The following PPARG variants were observed in gnomAD, a reference collection of about 807,000 sequenced individuals.
PPARG encodes peroxisome proliferator activated receptor gamma.
A neutral mutation model predicts 39.2 loss-of-function variants in PPARG; 17 were observed. That is an observed-to-expected ratio of 0.43 (90% CI 0.30 to 0.65). The LOEUF (loss-of-function observed/expected upper bound fraction) is 0.65. Among genes scored for constraint, PPARG ranks in the 30% least tolerant of loss-of-function variants. The pLI is 0.13. For missense variants in PPARG, 406 were observed against 585.9 expected (o/e 0.69, Z 3.17); for synonymous variants, 223 against 215.7 (o/e 1.03, Z -0.30).
At chr3:12,401,396 A>G (rs2125240623) in intron 5 of PPARG, among the ~76,000 whole-genome samples, 1 of 152,218 alleles carries the variant, frequency 6.6e-6, no homozygotes, top group East Asian at 1.9e-4. Context: ...AGCCTGGTCT[A>G]GAACCCACAG....
At chr3:12,387,375 G>A (rs2049915688) in intron 4 of PPARG, among the ~76,000 whole-genome samples, 1 of 152,116 alleles carries the variant, frequency 6.6e-6, no homozygotes, top group Admixed American at 6.5e-5. Context: ...ATCCTCTCCA[G>A]CGTCTGTTTT....
intron 7 of PPARG, among the ~76,000 whole-genome samples, chr3:12,432,057 G>T (rs2051679788): frequency 6.6e-6 from 1 of 152,140 alleles, no homozygotes; most frequent in Non-Finnish European, 1.5e-5. Flanking sequence ...GTAGTAGAAA[G>T]CCTGAATAGA....
chr3:12,385,125 G>T (rs1411656175), intron 4 of PPARG, among the ~76,000 whole-genome samples: 2 of 152,118 alleles, frequency 1.3e-5, no homozygotes, highest in African/African-American at 2.4e-5. Flanking sequence ...CCAGGAAAAT[G>T]GAATTAGCAA....
chr3:12,415,087 A>C (rs1191058219), intron 6 of PPARG, among the ~76,000 whole-genome samples: 2 of 152,192 alleles, frequency 1.3e-5, no homozygotes, highest in East Asian at 3.8e-4. Flanking sequence ...TGCCACGGCC[A>C]CTCATGCACC....
At chr3:12,288,302 G>A (rs1408394531), upstream of PPARG, among the ~76,000 whole-genome samples, 2 of 151,888 alleles carry the variant, frequency 1.3e-5, no homozygotes, top group South Asian at 2.1e-4. Flanking sequence ...GAGGGCACCC[G>A]GGCTGAGGGT....
intron 7 of PPARG, among the ~76,000 whole-genome samples, chr3:12,427,435 C>A (rs1575155731): frequency 1.3e-5 from 2 of 152,146 alleles, no homozygotes; most frequent in East Asian, 3.8e-4. Flanking sequence ...AACTCAAAAA[C>A]CTTCAATTTC....
intron 5 of PPARG, among the ~76,000 whole-genome samples, chr3:12,398,804 G>A (rs1322713511): frequency 1.3e-5 from 2 of 152,238 alleles, no homozygotes; most frequent in Non-Finnish European, 2.9e-5. Context: ...TTCTGGCCGA[G>A]AGAAAAGCAT....
chr3:12,352,110 T>A (rs2048507065), intron 2 of PPARG, among the ~76,000 whole-genome samples: 1 of 152,222 alleles, frequency 6.6e-6, no homozygotes, highest in South Asian at 2.1e-4. Flanking sequence ...CTTGAAGTAC[T>A]CTCAGCTCTT....
intron 7 of PPARG, among the ~76,000 whole-genome samples, chr3:12,417,877 C>CTTTTTTTTTTTTTTTTTTTTTTTTTT (rs1248011965): frequency 1.5e-5 from 1 of 64,652 alleles, no homozygotes; most frequent in Non-Finnish European, 3.8e-5. Context: ...TGACTTTTTT[C>CTTTTTTTTTTTTTTTTTTTTTTTTTT]TTTTTTTTTT....
chr3:12,402,740 C>T (rs1023599062), intron 5 of PPARG, among the ~76,000 whole-genome samples: 3 of 152,118 alleles, frequency 2.0e-5, no homozygotes, highest in Non-Finnish European at 4.4e-5. Flanking sequence ...CCGAGTGACT[C>T]TGATAGGCTC....
At chr3:12,317,950 A>G (rs1364975771) in intron 2 of PPARG, among the ~76,000 whole-genome samples, 1 of 152,126 alleles carries the variant, frequency 6.6e-6, no homozygotes, top group African/African-American at 2.4e-5. Flanking sequence ...TTGTTTAGAG[A>G]TTAGAACGAT....
At chr3:12,349,470 C>T (rs1263968092) in intron 2 of PPARG, among the ~76,000 whole-genome samples, 1 of 152,172 alleles carries the variant, frequency 6.6e-6, no homozygotes, top group African/African-American at 2.4e-5. Context: ...GGATGCTTTG[C>T]GTGTTGCTTG....
intron 6 of PPARG, among the ~76,000 whole-genome samples, chr3:12,414,702 G>GA (rs915471331): frequency 6.6e-6 from 1 of 151,290 alleles, no homozygotes; most frequent in Non-Finnish European, 1.5e-5. Context: ...ATCCTGAAAA[G>GA]AAAAAAAGAA....
intron 1 of PPARG, among the ~76,000 whole-genome samples, chr3:12,293,106 G>C (rs2046690392): frequency 6.6e-6 from 1 of 152,194 alleles, no homozygotes. Context: ...CCAGTGGCCA[G>C]GCTGTTCTCA....
At chr3:12,401,364 A>T (rs972284274) in intron 5 of PPARG, among the ~76,000 whole-genome samples, 16 of 152,180 alleles carry the variant, frequency 1.1e-4, no homozygotes, top group African/African-American at 3.6e-4. Context: ...TCTGTGGGAG[A>T]GGTCAGCGTG....
chr3:12,333,603 G>T (rs989764652), intron 2 of PPARG, among the ~76,000 whole-genome samples: 8 of 152,036 alleles, frequency 5.3e-5, no homozygotes, highest in Admixed American at 5.2e-4. Context: ...TGGAACCTTG[G>T]CTAAGCCACG....
chr3:12,295,599 C>T (rs1289105521), intron 1 of PPARG, among the ~76,000 whole-genome samples: 5 of 151,746 alleles, frequency 3.3e-5, no homozygotes, highest in Non-Finnish European at 5.9e-5. Context: ...CTGCAACCTC[C>T]GCCTCCCAGG....
chr3:12,408,854 C>T (rs1384398457), intron 6 of PPARG, among the ~76,000 whole-genome samples: 2 of 150,488 alleles, frequency 1.3e-5, no homozygotes, highest in African/African-American at 2.4e-5. Flanking sequence ...AAAAAAGCCT[C>T]GGTGGTCAAG....
In PPARG at chr3:12,351,690, G is replaced by T. The variant is rs367903978; in HGVS notation, c.-8-28014G>T. The T allele has an allele frequency of 4.0e-5, 64 of 1,585,274 alleles. 1 individual carries two copies. In the African/African-American group the frequency reaches 7.9e-4, roughly 20 times the overall value. ...ATATCACAAGGTAAAGTTCCTTCCA[G>T]ATACGGCTATTGGGGACGTGGGGGC... On this transcript the variant is annotated intron_variant, in intron 2 of 7. Transcript: ENST00000651735.
Sources: gnomAD v4.1 joint callset for allele counts (sites outside exome capture counted in the v4.1 genomes callset) on GRCh38, gnomAD v4.1.1 for gene constraint, MANE v1.5 for transcripts, NCBI Gene and HGNC (gene_info 2026-07-23, HGNC 2026-07-21) for gene names.